The following MAPKBP1 variants were observed in gnomAD, a reference collection of about 807,000 sequenced individuals.
MAPKBP1 encodes the protein mitogen-activated protein kinase binding protein 1, also known as mitogen-activated protein kinase-binding protein 1.
Under a neutral mutation model 170.5 loss-of-function variants are expected in MAPKBP1, and 71 were observed. That is an observed-to-expected ratio of 0.42 (90% confidence interval 0.34 to 0.51). The LOEUF (loss-of-function observed/expected upper bound fraction) is 0.51, where lower values mean the gene tolerates loss of function less well. MAPKBP1 is among the 20% of genes least tolerant of loss of function. The pLI, the probability that MAPKBP1 is intolerant of heterozygous loss-of-function variation, is 0.06. For synonymous variants in MAPKBP1, 719 were observed against 757.9 expected (o/e 0.95, Z 0.84); for missense variants, 1,598 against 1,933.0 (o/e 0.83, Z 3.25).
rs146087578 is a variant in MAPKBP1, at chr15:41,793,102, A to G, written c.115-6721A>G. Reference sequence around the variant, plus strand: ...GAACCCAGCTCCCTTCTGTTAAGCCAGATATGAAAAAGGTTTGCAAAAATG... The same window carrying G: ...GAACCCAGCTCCCTTCTGTTAAGCCGGATATGAAAAAGGTTTGCAAAAATG... On this transcript the variant is annotated intron_variant, in intron 2 of 30. Coordinates refer to ENST00000457542, the MANE Select transcript of MAPKBP1 (RefSeq NM_014994.3). 5.8e-4 allele frequency among the ~76,000 whole-genome samples: 89 copies of G among 152,340 alleles called. 1 individual carries two copies. The highest frequency in any genetic ancestry group is 2.0e-3 in the African/African-American group (82 of 41,578).
chr15:41,825,336 G>A lies in MAPKBP1; in HGVS notation c.4427G>A (p.Ser1476Asn). The change falls in exon 31 of 31, where the codon AGC becomes AAC. Residue 1476 changes from serine to asparagine, a missense_variant. By Grantham distance (46) the Ser-to-Asn change is conservative. Around this residue, in one of 6 missense-constraint regions of MAPKBP1, gnomAD observed 942 missense variants for 953.2 expected, o/e 0.99. Transcript: ENST00000457542. ...GCAGTGCTGTCCAGCCCAGGCAGCA[G>A]CCCTGGGGCTGTGGGAGCCGAGCAG... ...AGAVLSSPGS[S>N]PGAVGAEQTQ... is the part of the protein sequence containing the mutation. The A allele has an allele frequency of 6.2e-7, 1 of 1,613,348 alleles. No homozygotes were observed. Among genetic ancestry groups the A allele is most frequent in the Non-Finnish European group, 8.5e-7 (1 of 1,179,958 alleles).
chr15:41,822,352 C>T lies in MAPKBP1; in HGVS notation c.3159C>T (p.Ser1053=), dbSNP rs1419511659. The T allele has an allele frequency of 1.4e-5, 23 of 1,613,934 alleles. No homozygotes were observed. Among genetic ancestry groups the T allele is most frequent in the Non-Finnish European group, 1.9e-5 (23 of 1,179,978 alleles). ...GCCCCTATGGGCTACAGGAGGGCAG[C>T]CCCCAGACTCCAGACCAGGAGCAGT... ...GMGPYGLQEG[S]PQTPDQEQFL... is the part of the protein sequence containing the mutation. The change falls in exon 26 of 31, where the codon AGC becomes AGT. Residue 1053 remains serine (S), a synonymous_variant. Transcript: ENST00000457542.
At chr15:41,821,823 G>C (rs528343526) in intron 24 of MAPKBP1, 73 bp downstream of exon 24, 90 of 1,594,578 alleles carry the variant, frequency 5.6e-5, no homozygotes, top group Non-Finnish European at 7.5e-5. Context: ...AGTCGAGGGA[G>C]GGTTGGCCCC....
intron 2 of MAPKBP1, among the ~76,000 whole-genome samples, chr15:41,786,777 A>AAAAAAAAAATATATATATATATATATAT: frequency 3.1e-5 from 1 of 32,462 alleles, no homozygotes; most frequent in Non-Finnish European, 5.6e-5. Flanking sequence ...AAAAAAAAAA[A>AAAAAAAAAATATATATATATATATATAT]ATATATATAT....
Position 41,818,122 on chromosome 15 carries a change from G to A in MAPKBP1, c.1980+38G>A. ...AGGGGGTACTGGACAGGGGCTCGGG[G>A]ACAGAGTGGTGCTGGGTGGGAGGGA... On this transcript the variant is annotated intron_variant, in intron 17 of 30. Coordinates refer to ENST00000457542, the MANE Select transcript of MAPKBP1 (RefSeq NM_014994.3). This position sits in a 1 kb window ranked among gnomAD's most constrained non-coding sequence, Gnocchi z 5.2. 6.2e-7 allele frequency: 1 copy of A among 1,611,924 alleles called. No homozygotes were observed. Among genetic ancestry groups the A allele is most frequent in the South Asian group, 1.1e-5 (1 of 91,026 alleles).
chr15:41,786,299 GT>G (rs1225533789), intron 2 of MAPKBP1, among the ~76,000 whole-genome samples: 1 of 151,814 alleles, frequency 6.6e-6, no homozygotes, highest in Non-Finnish European at 1.5e-5. Context: ...TTTCTGTAAT[GT>G]TTAAATTTTT....
chr15:41,821,035 G>T lies in MAPKBP1; in HGVS notation c.2685G>T (p.Gly895=). The T allele has an allele frequency of 6.2e-7, 1 of 1,614,170 alleles. No homozygotes were observed. Among genetic ancestry groups the T allele is most frequent in the East Asian group, 2.2e-5 (1 of 44,888 alleles). Residue 895 remains glycine (G), a synonymous_variant, in exon 23 of 31, where the codon GGG becomes GGT. Coordinates refer to ENST00000457542, the MANE Select transcript of MAPKBP1 (RefSeq NM_014994.3). ...TCCCATCTGGTCCCAGGAAGCATGG[G>T]CAGGAGGCCCTTGAGACTTCACTCA... is the stretch of plus-strand genomic sequence containing the variant. The part of the protein sequence containing the change: ...AIIPSGPRKH[G]QEALETSLTS...
chr15:41,810,879 T>C lies in MAPKBP1; in HGVS notation c.207-4T>C. ...CTGAGCCTGTTGTCTGCTCATCTCCTCAGGTGTGTGGTTGTGTTGTTCAAT... is the reference window on the plus strand; with the variant it reads ...CTGAGCCTGTTGTCTGCTCATCTCCCCAGGTGTGTGGTTGTGTTGTTCAAT... On this transcript the variant is annotated splice_polypyrimidine_tract_variant and splice_region_variant and intron_variant, in intron 3 of 30. Coordinates refer to ENST00000457542, the MANE Select transcript of MAPKBP1 (RefSeq NM_014994.3). 6.2e-7 allele frequency: 1 copy of C among 1,614,148 alleles called. No individual in the cohort carries two copies.
intron 2 of MAPKBP1, among the ~76,000 whole-genome samples, chr15:41,786,955 G>A (rs1432828318): frequency 1.3e-5 from 2 of 150,910 alleles, no homozygotes; most frequent in Admixed American, 6.6e-5. Flanking sequence ...CTGGAGTGCA[G>A]TGGCAGTATC....
chr15:41,817,174 A>C lies in MAPKBP1; in HGVS notation c.1711+139A>C. 2 of 1,386,572 alleles carry C rather than the reference A, an allele frequency of 1.4e-6. No homozygotes were observed. The highest frequency in any genetic ancestry group is 1.9e-6 in the Non-Finnish European group (2 of 1,026,720). 85.9% of individuals were successfully genotyped at this position (1,386,572 alleles called of 1,614,324 possible). ...GAGGCCTGGAGCTGGTTGGGAAGATAGGTGGAACAGAGACTCTCAGTGCTG... is the reference window on the plus strand; with the variant it reads ...GAGGCCTGGAGCTGGTTGGGAAGATCGGTGGAACAGAGACTCTCAGTGCTG... On this transcript the variant is annotated intron_variant, in intron 14 of 30. Transcript: ENST00000457542. The surrounding 1 kb of genome is among the most constrained non-coding windows in gnomAD (Gnocchi z 4.2).
In MAPKBP1 at chr15:41,821,732, A is replaced by G. The variant is rs989346578; in HGVS notation, c.2867A>G (p.Asn956Ser). The G allele has an allele frequency of 1.2e-6, 2 of 1,613,366 alleles. No homozygotes were observed. Among genetic ancestry groups the G allele is most frequent in the South Asian group, 1.1e-5 (1 of 91,056 alleles). Reference protein sequence around the residue: ...DGIVYPEPSDNPTMDTSEFQV... With the variant: ...DGIVYPEPSDSPTMDTSEFQV... Reference sequence around the variant, plus strand: ...ATTGTCTACCCGGAGCCGAGTGACAACCCCACCATGGATACCAGGCAAGGA... The same window carrying G: ...ATTGTCTACCCGGAGCCGAGTGACAGCCCCACCATGGATACCAGGCAAGGA... The change falls in exon 24 of 31, where the codon AAC becomes AGC. Residue 956 changes from asparagine to serine, a missense_variant. Around this residue, in one of 6 missense-constraint regions of MAPKBP1, gnomAD observed 942 missense variants for 953.2 expected, o/e 0.99. Coordinates refer to ENST00000457542, the MANE Select transcript of MAPKBP1 (RefSeq NM_014994.3).
At chr15:41,814,455 G>A in intron 9 of MAPKBP1, 95 bp from the exon 10 acceptor site, 1 of 1,258,432 alleles carries the variant, frequency 7.9e-7, no homozygotes, top group Non-Finnish European at 1.1e-6. Flanking sequence ...TGCAGGTCCA[G>A]GGAGGGCTCC....
At chr15:41,812,415 CT>C (rs1172239837) in intron 6 of MAPKBP1, 100 bp from the exon 7 acceptor site, 2 of 1,509,886 alleles carry the variant, frequency 1.3e-6, no homozygotes, top group Non-Finnish European at 1.8e-6. Context: ...GAAAGAAACA[CT>C]TTGTCAAGTA....
At chr15:41,786,489 G>C (rs2064289720) in intron 2 of MAPKBP1, among the ~76,000 whole-genome samples, 1 of 151,888 alleles carries the variant, frequency 6.6e-6, no homozygotes, top group Non-Finnish European at 1.5e-5. Context: ...GTATAGCCGG[G>C]CGTGGTGGCT....
rs1250830045 is a variant in MAPKBP1 at position 41,823,242 on chromosome 15, CAGTGCCAG to C, written c.3598+21_3598+28del. The C allele has an allele frequency of 6.2e-7, 1 of 1,608,608 alleles. No individual in the cohort carries two copies. The highest frequency in any genetic ancestry group is 1.3e-5 in the African/African-American group (1 of 74,994). On this transcript the variant is annotated intron_variant, in intron 28 of 30. Coordinates refer to ENST00000457542, the MANE Select transcript of MAPKBP1 (RefSeq NM_014994.3). ...CACAGGGTGAGAAGCCTGATGGGTT[CAGTGCCAG>C]GGTGCAGGGTGTATGGAACACATGT...
At chr15:41,786,777 A>ATATATATATATATATAT (rs1555448144) in intron 2 of MAPKBP1, among the ~76,000 whole-genome samples, 5 of 32,448 alleles carry the variant, frequency 1.5e-4, no homozygotes, top group East Asian at 7.9e-4. Context: ...AAAAAAAAAA[A>ATATATATATATATATAT]ATATATATAT....
rs776194289 is a variant in MAPKBP1 at position 41,820,984 on chromosome 15, C to T, written c.2634C>T (p.Asp878=). 6.2e-7 allele frequency: 1 copy of T among 1,614,184 alleles called. No homozygotes were observed. The highest frequency in any genetic ancestry group is 1.1e-5 in the South Asian group (1 of 91,088). Residue 878 remains aspartate (D), a synonymous_variant, in exon 23 of 31, where the codon GAC becomes GAT. Coordinates refer to ENST00000457542, the MANE Select transcript of MAPKBP1 (RefSeq NM_014994.3). ...QLETLAPSLQ[D]PSQDSLAIIP... ...AAACACTGGCCCCAAGCCTGCAGGA[C>T]CCTAGCCAGGACTCGCTGGCCATCA...
chr15:41,791,852 T>G (rs957854538), intron 2 of MAPKBP1, among the ~76,000 whole-genome samples: 2 of 152,052 alleles, frequency 1.3e-5, no homozygotes, highest in African/African-American at 4.8e-5. Context: ...GGTTGGGAGT[T>G]TGAGACCAGC....
At chr15:41,807,899 C>G (rs1302108617) in intron 3 of MAPKBP1, among the ~76,000 whole-genome samples, 1 of 151,676 alleles carries the variant, frequency 6.6e-6, no homozygotes, top group Non-Finnish European at 1.5e-5. Context: ...ATTAGCCAGG[C>G]TTGGTGATGG....
Sources: gnomAD v4.1 joint callset for allele counts (sites outside exome capture counted in the v4.1 genomes callset) on GRCh38, gnomAD v4.1.1 for gene constraint, gnomAD v4.1.1 regional missense constraint, Gnocchi (gnomAD v3.1) non-coding constraint, MANE v1.5 for transcripts, NCBI Gene and HGNC (gene_info 2026-07-23, HGNC 2026-07-21) for gene names.